Variants in MCHR2 observed in about 807,000 individuals in gnomAD.
MCHR2 encodes the protein melanin concentrating hormone receptor 2.
Under a neutral mutation model 24.8 loss-of-function variants are expected in MCHR2, and 15 were observed. The ratio of observed to expected loss-of-function variants is 0.60; its 90% CI spans 0.40 to 0.93. The LOEUF (loss-of-function observed/expected upper bound fraction) is 0.93, where lower values mean the gene tolerates loss of function less well. Among genes scored for constraint, MCHR2 ranks in the 40% least tolerant of loss-of-function variants. The pLI is 0.00. For missense variants in MCHR2, 386 were observed against 408.7 expected, an observed-to-expected ratio of 0.94 and a Z score of 0.48; for synonymous variants, 151 against 147.6, an observed-to-expected ratio of 1.02 and a Z score of -0.17.
At chr6:99,931,476 C>T (rs568784665) in intron 5 of MCHR2, among the ~76,000 whole-genome samples, 1 of 152,334 alleles carries the variant, frequency 6.6e-6, no homozygotes, top group South Asian at 2.1e-4. Context: ...CCTCCTTGAG[C>T]TGTGGTGGGC....
intron 4 of MCHR2, among the ~76,000 whole-genome samples, chr6:99,939,948 C>A (rs1204971909): frequency 6.8e-6 from 1 of 146,398 alleles, no homozygotes; most frequent in Non-Finnish European, 1.5e-5. Flanking sequence ...AGTAAGAAGT[C>A]CATTTCCAGA....
At chr6:99,988,183 C>G (rs1775802986) in intron 1 of MCHR2, among the ~76,000 whole-genome samples, 1 of 152,162 alleles carries the variant, frequency 6.6e-6, no homozygotes, top group Admixed American at 6.5e-5. Flanking sequence ...CAGTGAAGTC[C>G]ATAGGGTAGA....
At chr6:99,939,049 C>T (rs1211820883) in intron 4 of MCHR2, among the ~76,000 whole-genome samples, 2 of 151,886 alleles carry the variant, frequency 1.3e-5, no homozygotes, top group African/African-American at 4.8e-5. Context: ...TTTTCCCATC[C>T]CTTCACTCTC....
intron 2 of MCHR2, among the ~76,000 whole-genome samples, chr6:99,949,654 C>T (rs1003866511): frequency 6.6e-6 from 1 of 152,068 alleles, no homozygotes; most frequent in Non-Finnish European, 1.5e-5. Context: ...GCCATGGAGT[C>T]CTTATTCAGC....
chr6:99,925,588 C>T (rs983814810), intron 5 of MCHR2, among the ~76,000 whole-genome samples: 1 of 151,500 alleles, frequency 6.6e-6, no homozygotes, highest in Non-Finnish European at 1.5e-5. Flanking sequence ...TTGAGGTTGC[C>T]ATAAGTCTTA....
chr6:99,983,624 T>A (rs1775716066), intron 1 of MCHR2, among the ~76,000 whole-genome samples: 1 of 152,208 alleles, frequency 6.6e-6, no homozygotes, highest in South Asian at 2.1e-4. Flanking sequence ...TAATACTTCT[T>A]TGTCCTTATT....
At chr6:99,993,296 C>T (rs1775920728) in intron 1 of MCHR2, among the ~76,000 whole-genome samples, 1 of 152,216 alleles carries the variant, frequency 6.6e-6, no homozygotes, top group African/African-American at 2.4e-5. Context: ...AGTTCTCTGA[C>T]AGCCGCTAAC....
chr6:99,969,468 C>T (rs117566730), intron 1 of MCHR2, among the ~76,000 whole-genome samples: 3,477 of 52,816 alleles, frequency 0.066, 158 homozygotes, highest in East Asian at 0.22. Flanking sequence ...AGCAAGACTC[C>T]ATCTCAAAAA....
rs527698959 is a variant in MCHR2 at position 99,921,784 on chromosome 6, TCCAG to T, written c.708-533_708-530del. On this transcript the variant is annotated intron_variant, in intron 5 of 5. Transcript: ENST00000281806. ...TCACCCTCAGGCCCCTACTACCCTTTCCAGCCTCTGGTAACCATCTTTCTACTCT... is the reference window on the plus strand; with the variant it reads ...TCACCCTCAGGCCCCTACTACCCTTTCCTCTGGTAACCATCTTTCTACTCT... Among the ~76,000 whole-genome samples the T allele has an allele frequency of 7.2e-3, 1,091 of 152,268 alleles. 13 individuals carry two copies. Among genetic ancestry groups the T allele is most frequent in the African/African-American group, 0.025 (1,052 of 41,560 alleles).
At chr6:99,969,782 A>G (rs926631766) in intron 1 of MCHR2, among the ~76,000 whole-genome samples, 1 of 141,352 alleles carries the variant, frequency 7.1e-6, no homozygotes, top group Non-Finnish European at 1.5e-5. Context: ...CTCATTGTTC[A>G]ATTCCCACCT....
At chr6:99,942,817 GA>G in intron 4 of MCHR2, 131 bp downstream of exon 4, 1 of 633,794 alleles carries the variant, frequency 1.6e-6, no homozygotes, top group East Asian at 2.9e-5. Context: ...TATGTGTGGA[GA>G]AACCTAATGG....
intron 5 of MCHR2, among the ~76,000 whole-genome samples, chr6:99,928,445 C>T (rs1039918519): frequency 3.0e-4 from 46 of 152,114 alleles, no homozygotes; most frequent in African/African-American, 1.1e-3. Context: ...TGGTAGAATT[C>T]GGCTGTGAAT....
At chr6:99,993,723 G>C (rs945985864) in intron 1 of MCHR2, among the ~76,000 whole-genome samples, 1 of 151,992 alleles carries the variant, frequency 6.6e-6, no homozygotes, top group Non-Finnish European at 1.5e-5. Context: ...CACCCGCCCC[G>C]CTCCGTCTCG....
At chr6:99,982,401 G>A (rs1775686170) in intron 1 of MCHR2, among the ~76,000 whole-genome samples, 1 of 141,288 alleles carries the variant, frequency 7.1e-6, no homozygotes, top group South Asian at 2.4e-4. Flanking sequence ...GGCTGAGGTG[G>A]GCAGATCACT....
At chr6:99,941,864 T>C (rs1002686616) in intron 4 of MCHR2, among the ~76,000 whole-genome samples, 5 of 152,116 alleles carry the variant, frequency 3.3e-5, no homozygotes, top group African/African-American at 1.2e-4. Context: ...TTTAACTGGA[T>C]TAGCGGATTT....
chr6:99,961,179 T>A (rs1216982448), intron 1 of MCHR2, among the ~76,000 whole-genome samples: 1 of 151,432 alleles, frequency 6.6e-6, no homozygotes. Flanking sequence ...AACAGACACT[T>A]CTCAAAAGAA....
At chr6:99,934,192 T>C (rs1774603407) in intron 5 of MCHR2, among the ~76,000 whole-genome samples, 1 of 152,124 alleles carries the variant, frequency 6.6e-6, no homozygotes, top group Non-Finnish European at 1.5e-5. Flanking sequence ...ATTACATCTG[T>C]GATTTCAACA....
chr6:99,941,297 T>TGAGTTCTG (rs1276446646), intron 4 of MCHR2, among the ~76,000 whole-genome samples: 2 of 151,326 alleles, frequency 1.3e-5, no homozygotes, highest in Non-Finnish European at 2.9e-5. Context: ...TCCACATATT[T>TGAGTTCTG]GAGTTCTGGA....
chr6:99,949,705 G>A (rs1436822191), intron 2 of MCHR2, among the ~76,000 whole-genome samples: 1 of 152,050 alleles, frequency 6.6e-6, no homozygotes, highest in African/African-American at 2.4e-5. Context: ...AAAAAAACAG[G>A]TTGGTTCCTT....
Sources: allele counts gnomAD v4.1 joint callset (sites outside exome capture counted in the v4.1 genomes callset), GRCh38; gene constraint gnomAD v4.1.1; transcripts MANE v1.5; gene names NCBI Gene and HGNC (gene_info 2026-07-23, HGNC 2026-07-21).